Variants in NOTCH1 observed in about 807,000 individuals in gnomAD.
The protein encoded by NOTCH1 is notch receptor 1, also known as neurogenic locus notch homolog protein 1.
Under a neutral mutation model 254.8 loss-of-function variants are expected in NOTCH1, and 37 were observed. The observed-to-expected ratio is 0.15, with a 90% CI of 0.11 to 0.19. The LOEUF (loss-of-function observed/expected upper bound fraction) is 0.19. Ranked by LOEUF, NOTCH1 falls within the 10% of genes least tolerant of loss-of-function variation. NOTCH1 has a pLI of 1.00. For missense variants in NOTCH1, 2,972 were observed against 3,708.6 expected, an observed-to-expected ratio of 0.80 and a Z score of 5.16; for synonymous variants, 1,731 against 1,618.1, an observed-to-expected ratio of 1.07 and a Z score of -1.68.
intron 29 of NOTCH1, 42 bp from the exon 30 acceptor site, chr9:136,501,955 CA>C: frequency 6.2e-7 from 1 of 1,611,704 alleles, no homozygotes; most frequent in South Asian, 1.1e-5. Context: ...GGCAGCCCGG[CA>C]GCAGGTGCCC....
At chr9:136,497,845 C>A (rs1842941972) in intron 33 of NOTCH1, among the ~76,000 whole-genome samples, 1 of 152,248 alleles carries the variant, frequency 6.6e-6, no homozygotes, top group Non-Finnish European at 1.5e-5. Flanking sequence ...ACAGACCCCA[C>A]TGAAAATCTA....
intron 2 of NOTCH1, among the ~76,000 whole-genome samples, chr9:136,542,198 GT>G (rs1210594343): frequency 7.9e-5 from 12 of 152,326 alleles, no homozygotes; most frequent in Admixed American, 3.9e-4. Flanking sequence ...GGGCCAGGCT[GT>G]GCCTACTCCC....
chr9:136,520,876 A>G (rs746361221), intron 4 of NOTCH1, among the ~76,000 whole-genome samples: 109 of 152,262 alleles, frequency 7.2e-4, no homozygotes, highest in Non-Finnish European at 1.2e-3. Context: ...TGGCTGAGGC[A>G]CACAGTGGGG....
rs1369401631 is a variant in NOTCH1, at chr9:136,545,002, T to C, written c.61+724A>G. The stretch of plus-strand genomic sequence containing the variant: ...AGAAAGAGTGGATTAATCACTCGAT[T>C]CCCCAGAGACCCCGCTCGCTGTGCG... On this transcript the variant is annotated intron_variant, in intron 1 of 33. Transcript: ENST00000651671. The surrounding 1 kb of genome is among the most constrained non-coding windows in gnomAD (Gnocchi z 6.8). Among the ~76,000 whole-genome samples the C allele has an allele frequency of 6.6e-6, 1 of 151,988 alleles. No homozygotes were observed. Among genetic ancestry groups the C allele is most frequent in the Admixed American group, 6.5e-5 (1 of 15,280 alleles).
chr9:136,520,298 C>T (rs1293258240), intron 4 of NOTCH1, among the ~76,000 whole-genome samples: 1 of 152,164 alleles, frequency 6.6e-6, no homozygotes. Flanking sequence ...CCTTGGAGCT[C>T]CCACCTGCTC....
At chr9:136,539,539 C>G (rs1290943368) in intron 2 of NOTCH1, among the ~76,000 whole-genome samples, 1 of 152,226 alleles carries the variant, frequency 6.6e-6, no homozygotes, top group Non-Finnish European at 1.5e-5. Flanking sequence ...CAGGCACACG[C>G]CACTGCGCCT....
At chr9:136,515,796 C>T in intron 10 of NOTCH1, 80 bp from the exon 11 acceptor site, 3 of 1,343,526 alleles carry the variant, frequency 2.2e-6, no homozygotes, top group South Asian at 1.3e-5. Context: ...CTGGGGTCAC[C>T]TGTGCCAACC....
In NOTCH1 at chr9:136,518,740, C is replaced by T. The variant is rs2133371284; in HGVS notation, c.950G>A (p.Gly317Asp). The T allele has an allele frequency of 6.2e-7, 1 of 1,612,944 alleles. No homozygotes were observed. Among genetic ancestry groups the T allele is most frequent in the Non-Finnish European group, 8.5e-7 (1 of 1,180,008 alleles). The change falls in exon 6 of 34, where the codon GGT (glycine) becomes GAT (aspartate). Residue 317 changes from glycine to aspartate, a missense_variant. Gly to Asp is a moderately conservative substitution (Grantham distance 94, BLOSUM62 -1). Transcript: ENST00000651671. Reference sequence around the variant, plus strand: ...GTTGACACACACGCAGTTGTAGCCACCGTGGGTGTTGTGGCAGGTCCCGCC... The same window carrying T: ...GTTGACACACACGCAGTTGTAGCCATCGTGGGTGTTGTGGCAGGTCCCGCC... ...QNGGTCHNTHGGYNCVCVNGW... is the reference protein window; with the variant it reads ...QNGGTCHNTHDGYNCVCVNGW...
chr9:136,538,728 T>C (rs1419912005), intron 2 of NOTCH1, among the ~76,000 whole-genome samples: 1 of 152,250 alleles, frequency 6.6e-6, no homozygotes, highest in Non-Finnish European at 1.5e-5. Context: ...CTTTCCCACC[T>C]GTGCGCTGGG....
At position 136,503,324 on chromosome 9, in the gene NOTCH1, G is replaced by A. The variant is rs1352875267; in HGVS notation, c.5025C>T (p.Ile1675=). 3.7e-6 allele frequency: 6 copies of A among 1,612,670 alleles called. No individual in the cohort carries two copies. The highest frequency in any genetic ancestry group is 1.7e-5 in the Admixed American group (1 of 60,004). The change falls in exon 27 of 34, where the codon ATC becomes ATT. Residue 1675 remains isoleucine (I), a synonymous_variant. Transcript: ENST00000651671. ...GCCGGTTGTCAATCTCCAGGTAGACGATGGAGCTGGGCGGACAATCAGAGA... is the reference window on the plus strand; with the variant it reads ...GCCGGTTGTCAATCTCCAGGTAGACAATGGAGCTGGGCGGACAATCAGAGA... ...ELDPMDVRGS[I]VYLEIDNRQC... is the part of the protein sequence containing the mutation.
chr9:136,522,581 G>A (rs1041357992), intron 4 of NOTCH1: 22 of 492,752 alleles, frequency 4.5e-5, no homozygotes, highest in Non-Finnish European at 7.1e-5. Context: ...GGGGAGGCAG[G>A]GCGTCCTACA....
In NOTCH1 at chr9:136,522,901, C is replaced by G; in HGVS notation, c.691G>C (p.Gly231Arg). 6.5e-7 allele frequency: 1 copy of G among 1,540,718 alleles called. No homozygotes were observed. The highest frequency in any genetic ancestry group is 8.8e-7 in the Non-Finnish European group (1 of 1,141,494). ...PCSPSPCQNG[G>R]TCRPTGDVTH... ...ACGTCGCCCGTGGGGCGGCAGGTGC[C>G]CCCGTTCTGGCAGGGCGAGGGGCTG... The change falls in exon 4 of 34, where the codon GGC becomes CGC. Residue 231 changes from glycine to arginine, a missense_variant. Physicochemically the swap from Gly to Arg is moderately radical, Grantham distance 125. This residue lies in a region of NOTCH1 where 374 missense variants were observed against 496.3 expected (regional missense o/e 0.75). Transcript: ENST00000651671.
intron 4 of NOTCH1, chr9:136,522,571 G>A: frequency 4.1e-6 from 2 of 484,130 alleles, no homozygotes; most frequent in East Asian, 3.4e-5. Flanking sequence ...CCTGCACTGG[G>A]GGGAGGCAGG....
At position 136,540,806 on chromosome 9, in the gene NOTCH1, T is replaced by TG. The variant is rs1356276768; in HGVS notation, c.140+3217dup. ...GCCTACCCCCATTTCTCCCAGCTCC[T>TG]GGAAGACGCCCCGTGCCATTCTGAC... On this transcript the variant is annotated intron_variant, in intron 2 of 33. Transcript: ENST00000651671. The surrounding 1 kb of genome is among the most constrained non-coding windows in gnomAD (Gnocchi z 4.4). Among the ~76,000 whole-genome samples, 1 of 152,122 alleles carries TG rather than the reference T, an allele frequency of 6.6e-6. No individual in the cohort carries two copies. The highest frequency in any genetic ancestry group is 1.9e-4 in the East Asian group (1 of 5,188).
At position 136,510,908 on chromosome 9, in the gene NOTCH1, T is replaced by A. The variant is rs1278207381; in HGVS notation, c.2588-103A>T. On this transcript the variant is annotated intron_variant, in intron 16 of 33. Transcript: ENST00000651671. ...TACAGTGCCTCTCCCGACCCAGGAGTAGGCTTCCGTGACCCCAGGACCATC... is the reference window on the plus strand; with the variant it reads ...TACAGTGCCTCTCCCGACCCAGGAGAAGGCTTCCGTGACCCCAGGACCATC... 2.6e-6 allele frequency: 4 copies of A among 1,521,612 alleles called. No homozygotes were observed. In the Admixed American group the frequency reaches 6.9e-5, roughly 26 times the overall value. 94.3% of individuals were successfully genotyped at this position (1,521,612 alleles called of 1,614,324 possible).
intron 25 of NOTCH1, 22 bp downstream of exon 25, chr9:136,505,288 C>T (rs1344819140): frequency 1.3e-6 from 2 of 1,554,534 alleles, no homozygotes; most frequent in African/African-American, 2.7e-5. Context: ...CTCCCTCAGC[C>T]CCATGAGCCC....
chr9:136,523,228 G>A (rs1292504158), intron 3 of NOTCH1, 40 bp from the exon 4 acceptor site: 2 of 1,546,998 alleles, frequency 1.3e-6, no homozygotes, highest in East Asian at 2.4e-5. Context: ...TGGCCTCACT[G>A]CTCCCCGAGG....
At chr9:136,536,528 T>C (rs1843660122) in intron 2 of NOTCH1, among the ~76,000 whole-genome samples, 1 of 152,286 alleles carries the variant, frequency 6.6e-6, no homozygotes, top group East Asian at 1.9e-4. Flanking sequence ...CTGAGATGCC[T>C]GCCCGCCCCA....
chr9:136,518,387 G>A, intron 6 of NOTCH1, 95 bp from the exon 7 acceptor site: 2 of 1,499,424 alleles, frequency 1.3e-6, no homozygotes, highest in East Asian at 2.4e-5. Context: ...ACCCCAGGAG[G>A]AGCTGCCCGC....
Sources: allele counts gnomAD v4.1 joint callset (sites outside exome capture counted in the v4.1 genomes callset), GRCh38; gene constraint gnomAD v4.1.1; regional missense constraint gnomAD v4.1.1; non-coding constraint Gnocchi (gnomAD v3.1); transcripts MANE v1.5; gene names NCBI Gene and HGNC (gene_info 2026-07-23, HGNC 2026-07-21).